Variants in HECW1 observed in about 807,000 individuals in gnomAD.
The protein encoded by HECW1 is HECT, C2 and WW domain containing E3 ubiquitin protein ligase 1, also known as E3 ubiquitin-protein ligase HECW1.
In HECW1, 61 loss-of-function variants were observed where a neutral mutation model predicts 182.3. That is an observed-to-expected ratio of 0.33 (90% CI 0.27 to 0.41). HECW1 has a LOEUF of 0.41. Among genes scored for constraint, HECW1 ranks in the 10% least tolerant of loss-of-function variants. The pLI, the probability that HECW1 is intolerant of heterozygous loss-of-function variation, is 1.00. For missense variants in HECW1, 1,739 were observed against 2,108.9 expected (o/e 0.82, Z 3.44); for synonymous variants, 859 against 832.6 (o/e 1.03, Z -0.55).
chr7:43,491,644 C>G (rs1369133328), intron 17 of HECW1, among the ~76,000 whole-genome samples: 2 of 151,974 alleles, frequency 1.3e-5, no homozygotes, highest in Non-Finnish European at 2.9e-5. Context: ...CCTCTGTTGC[C>G]CAGGCCAGAG....
At chr7:43,153,948 A>G (rs1379201918) in intron 2 of HECW1, among the ~76,000 whole-genome samples, 1 of 151,868 alleles carries the variant, frequency 6.6e-6, no homozygotes, top group Non-Finnish European at 1.5e-5. Context: ...TGAAGATTGT[A>G]ATTTTTTTTT....
At chr7:43,284,072 T>C (rs1197458676) in intron 3 of HECW1, among the ~76,000 whole-genome samples, 5 of 152,092 alleles carry the variant, frequency 3.3e-5, no homozygotes, top group African/African-American at 4.8e-5. Context: ...AGCAGGGCTC[T>C]CCTGTGTTTG....
At chr7:43,180,091 G>A (rs976511635) in intron 2 of HECW1, among the ~76,000 whole-genome samples, 1 of 152,224 alleles carries the variant, frequency 6.6e-6, no homozygotes, top group East Asian at 1.9e-4. Context: ...GCCCTTAGCA[G>A]AGTTGGTAAC....
At chr7:43,253,464 A>G (rs920489626) in intron 3 of HECW1, among the ~76,000 whole-genome samples, 3 of 152,170 alleles carry the variant, frequency 2.0e-5, no homozygotes, top group African/African-American at 4.8e-5. Context: ...TTATGTACAC[A>G]TCTGTTTAGA....
At chr7:43,531,260 G>A (rs950024297) in intron 24 of HECW1, among the ~76,000 whole-genome samples, 2 of 152,162 alleles carry the variant, frequency 1.3e-5, no homozygotes, top group African/African-American at 4.8e-5. Flanking sequence ...GGCCTGCCTG[G>A]ATTTAACCCC....
chr7:43,299,675 G>A (rs533600372), intron 3 of HECW1, among the ~76,000 whole-genome samples: 12 of 152,200 alleles, frequency 7.9e-5, no homozygotes, highest in South Asian at 4.1e-4. Context: ...AGTAAGTGTC[G>A]CCTGAGACGT....
intron 2 of HECW1, among the ~76,000 whole-genome samples, chr7:43,201,614 C>T (rs1208754021): frequency 1.3e-5 from 2 of 152,198 alleles, no homozygotes; most frequent in African/African-American, 4.8e-5. Context: ...GTAAAGCTGA[C>T]ATTTTCTTCA....
At chr7:43,481,526 T>C (rs2078433568) in intron 17 of HECW1, among the ~76,000 whole-genome samples, 2 of 152,208 alleles carry the variant, frequency 1.3e-5, no homozygotes, top group Non-Finnish European at 2.9e-5. Flanking sequence ...AAAACCTTTC[T>C]AACTGAAAGA....
At chr7:43,405,981 G>A (rs1401373932) in intron 7 of HECW1, among the ~76,000 whole-genome samples, 1 of 152,140 alleles carries the variant, frequency 6.6e-6, no homozygotes, top group Non-Finnish European at 1.5e-5. Context: ...GTTGACTTCT[G>A]ATCACCCCCC....
At chr7:43,310,875 C>T (rs1808415286) in intron 3 of HECW1, among the ~76,000 whole-genome samples, 1 of 152,100 alleles carries the variant, frequency 6.6e-6, no homozygotes, top group Non-Finnish European at 1.5e-5. Context: ...CTTCAATAAC[C>T]AGGACCCCCC....
chr7:43,552,425 T>G, intron 28 of HECW1, 89 bp downstream of exon 28: 1 of 879,714 alleles, frequency 1.1e-6, no homozygotes. Context: ...GAAATTGATG[T>G]AAAATAAAAT....
intron 2 of HECW1, among the ~76,000 whole-genome samples, chr7:43,147,774 G>A (rs1788871636): frequency 6.6e-6 from 1 of 152,154 alleles, no homozygotes; most frequent in Admixed American, 6.5e-5. Context: ...GAAGGGACTG[G>A]CCATTGGCCA....
At chr7:43,274,671 G>A in intron 3 of HECW1, 1 of 293,738 alleles carries the variant, frequency 3.4e-6, no homozygotes, top group Non-Finnish European at 6.6e-6. Flanking sequence ...GAGCGAGAGA[G>A]AGCGCGCAGT....
At chr7:43,367,941 C>T (rs752908953) in intron 6 of HECW1, among the ~76,000 whole-genome samples, 3 of 152,242 alleles carry the variant, frequency 2.0e-5, no homozygotes, top group Admixed American at 6.5e-5. Context: ...CCTGCTTCCA[C>T]TTCCTCAGCC....
At chr7:43,497,880 G>A (rs181798385) in intron 19 of HECW1, among the ~76,000 whole-genome samples, 43 of 151,994 alleles carry the variant, frequency 2.8e-4, no homozygotes, top group Non-Finnish European at 5.9e-4. Flanking sequence ...AGAATGTCAA[G>A]GATTTTATTT....
chr7:43,193,296 A>G (rs1794113214), intron 2 of HECW1, among the ~76,000 whole-genome samples: 1 of 152,200 alleles, frequency 6.6e-6, no homozygotes, highest in Non-Finnish European at 1.5e-5. Flanking sequence ...CGTGACCTGT[A>G]TCTTGAGAAA....
At chr7:43,518,619 G>A (rs2080283364) in intron 24 of HECW1, among the ~76,000 whole-genome samples, 2 of 151,998 alleles carry the variant, frequency 1.3e-5, no homozygotes, top group South Asian at 4.1e-4. Context: ...GAAAATCAGA[G>A]GTTGAAAATC....
chr7:43,468,091 G>A (rs1170787633), intron 15 of HECW1, among the ~76,000 whole-genome samples: 1 of 149,944 alleles, frequency 6.7e-6, no homozygotes, highest in East Asian at 1.9e-4. Context: ...TTCACCACCA[G>A]CCCCCACCAC....
chr7:43,462,293 G>T (rs2152893502), intron 13 of HECW1, among the ~76,000 whole-genome samples: 1 of 152,086 alleles, frequency 6.6e-6, no homozygotes, highest in East Asian at 1.9e-4. Flanking sequence ...GCCCCCAGCT[G>T]CTCTCCACAG....
Sources: allele counts gnomAD v4.1 joint callset (sites outside exome capture counted in the v4.1 genomes callset), GRCh38; gene constraint gnomAD v4.1.1; transcripts MANE v1.5; gene names NCBI Gene and HGNC (gene_info 2026-07-23, HGNC 2026-07-21).